PALS2: variants seen among roughly 807,000 people sequenced by gnomAD.
PALS2 encodes protein PALS2.
A neutral mutation model predicts 61.6 loss-of-function variants in PALS2; 27 were observed. The observed-to-expected ratio is 0.44, with a 90% CI of 0.32 to 0.60. PALS2 has a LOEUF of 0.60. Ranked by LOEUF, PALS2 falls within the 20% of genes least tolerant of loss-of-function variation. PALS2 has a pLI of 0.05. For missense variants in PALS2, 554 were observed against 639.4 expected (o/e 0.87, Z 1.44); for synonymous variants, 236 against 218.6 (o/e 1.08, Z -0.70).
In PALS2 at chr7:24,642,019, CAT is replaced by C. The variant is rs1583928936; in HGVS notation, c.270+154_270+155del. The C allele has an allele frequency of 5.2e-6, 4 of 771,476 alleles. No homozygotes were observed. The East Asian group carries it at 7.9e-5, about 15-fold the overall frequency. The allele number at this position is 771,476 out of a possible 1,614,324, so 47.8% of individuals were successfully genotyped here. A position where few individuals can be genotyped will look rare whatever the true frequency, so the allele number is the denominator to read the frequency against. ...TCCAACCTTGGTATTTTAATGTCCT[CAT>C]ATGCTGAGGATATATAAAGAGACAT... is the stretch of plus-strand genomic sequence containing the variant. On this transcript the variant is annotated intron_variant, in intron 3 of 11. Coordinates refer to ENST00000222644, the MANE Select transcript of PALS2 (RefSeq NM_001303037.2).
intron 1 of PALS2, among the ~76,000 whole-genome samples, chr7:24,588,891 A>G (rs1012968672): frequency 6.6e-6 from 1 of 152,190 alleles, no homozygotes; most frequent in Non-Finnish European, 1.5e-5. Flanking sequence ...TTTTAGAAAA[A>G]CAGTTTATTT....
intron 5 of PALS2, among the ~76,000 whole-genome samples, chr7:24,662,286 ATAT>A (rs1488826247): frequency 2.0e-5 from 3 of 152,216 alleles, no homozygotes; most frequent in African/African-American, 7.2e-5. Flanking sequence ...TAATAATATA[ATAT>A]GTCTACTTGT....
intron 2 of PALS2, among the ~76,000 whole-genome samples, chr7:24,628,110 A>G (rs1784830082): frequency 6.6e-6 from 1 of 152,232 alleles, no homozygotes; most frequent in Admixed American, 6.5e-5. Flanking sequence ...TCGATGTGAA[A>G]ATCCTCAATA....
chr7:24,682,535 C>T (rs1787989618), intron 11 of PALS2, among the ~76,000 whole-genome samples: 1 of 152,134 alleles, frequency 6.6e-6, no homozygotes, highest in South Asian at 2.1e-4. Context: ...TCTTTCAAGC[C>T]AGGAAGCTGG....
intron 1 of PALS2, among the ~76,000 whole-genome samples, chr7:24,611,931 G>A (rs1184925927): frequency 6.6e-6 from 1 of 151,888 alleles, no homozygotes; most frequent in African/African-American, 2.4e-5. Context: ...GGCTGTTGGG[G>A]TAGTCTGGGT....
intron 3 of PALS2, among the ~76,000 whole-genome samples, chr7:24,649,367 A>C (rs1786019690): frequency 6.6e-6 from 1 of 152,148 alleles, no homozygotes; most frequent in Admixed American, 6.5e-5. Flanking sequence ...TTTAAAAAGC[A>C]TCACTAATAT....
chr7:24,681,818 T>C (rs966902095), intron 11 of PALS2, among the ~76,000 whole-genome samples: 1 of 152,170 alleles, frequency 6.6e-6, no homozygotes, highest in Non-Finnish European at 1.5e-5. Flanking sequence ...TGTCACCTTT[T>C]CCCCTCACTG....
At position 24,622,683 on chromosome 7, in the gene PALS2, CT is replaced by C. The variant is rs70942815; in HGVS notation, c.-2-969del. Reference sequence around the variant, plus strand: ...ATGCCTTTTCTTTATTTTCTTTTTTCTTTTTTTTTTTTTTGCTTAACAGCCC... The same window carrying C: ...ATGCCTTTTCTTTATTTTCTTTTTTCTTTTTTTTTTTTTGCTTAACAGCCC... On this transcript the variant is annotated intron_variant, in intron 1 of 11. Transcript: ENST00000222644. Among the ~76,000 whole-genome samples the C allele has an allele frequency of 2.1e-3, 287 of 135,594 alleles. 1 individual carries two copies. The highest frequency in any genetic ancestry group is 3.4e-3 in the African/African-American group (125 of 37,216). The allele number at this position is 135,594 out of a possible 152,430, so 89.0% of individuals were successfully genotyped here.
rs1303234022 is a variant in PALS2, at chr7:24,693,804, A to C, written c.*6190A>C. ...AGAATGAGCACTAGTATTCAGCAAC[A>C]AGTGCAATTTCTCCATGTTATGTTG... On this transcript the variant is annotated 3_prime_UTR_variant, in exon 12 of 12. Transcript: ENST00000222644. The C allele has an allele frequency of 6.6e-6, 1 of 152,172 alleles. No individual in the cohort carries two copies. The highest frequency in any genetic ancestry group is 2.4e-5 in the African/African-American group (1 of 41,432). The allele number at this position is 152,172 out of a possible 1,614,324, so 9.4% of individuals were successfully genotyped here.
intron 2 of PALS2, among the ~76,000 whole-genome samples, chr7:24,640,218 G>A (rs1208452043): frequency 2.0e-5 from 3 of 149,386 alleles, no homozygotes; most frequent in East Asian, 3.9e-4. Context: ...CTTCTTTCTC[G>A]GTATTTCATA....
At chr7:24,600,434 G>A (rs1315225854) in intron 1 of PALS2, among the ~76,000 whole-genome samples, 2 of 151,960 alleles carry the variant, frequency 1.3e-5, no homozygotes, top group Non-Finnish European at 2.9e-5. Flanking sequence ...CCTGAATCAA[G>A]GACAAAGAAG....
chr7:24,623,967 C>G (rs949062207), intron 2 of PALS2, 183 bp downstream of exon 2: 3 of 1,064,264 alleles, frequency 2.8e-6, no homozygotes, highest in Admixed American at 4.7e-5. Context: ...CTCTTTTCTA[C>G]TCTGACTTTA....
chr7:24,686,413 T>C (rs1045075044), intron 11 of PALS2, among the ~76,000 whole-genome samples: 2 of 152,180 alleles, frequency 1.3e-5, no homozygotes, highest in Non-Finnish European at 2.9e-5. Flanking sequence ...CCCATTCTGG[T>C]CTTCTTTCAG....
intron 2 of PALS2, among the ~76,000 whole-genome samples, chr7:24,641,481 TA>T (rs1410445103): frequency 6.6e-6 from 1 of 152,166 alleles, no homozygotes; most frequent in Non-Finnish European, 1.5e-5. Context: ...GGTTTAGTTA[TA>T]AAAATGAGTT....
Position 24,693,207 on chromosome 7 carries a change from A to C in PALS2, c.*5593A>C, listed in dbSNP as rs993667961. ...CTGCTTGTAAAGCAACTGTCTTTGA[A>C]TCTTATGAAATAGGTGGTGTTGCTA... On this transcript the variant is annotated 3_prime_UTR_variant, in exon 12 of 12. Coordinates refer to ENST00000222644, the MANE Select transcript of PALS2 (RefSeq NM_001303037.2). 1 of 152,206 alleles carries C rather than the reference A, an allele frequency of 6.6e-6. No homozygotes were observed. Among genetic ancestry groups the C allele is most frequent in the African/African-American group, 2.4e-5 (1 of 41,446 alleles). The allele number at this position is 152,206 out of a possible 1,614,324, so 9.4% of individuals were successfully genotyped here.
intron 1 of PALS2, among the ~76,000 whole-genome samples, chr7:24,592,274 A>G (rs998175429): frequency 6.6e-6 from 1 of 152,136 alleles, no homozygotes; most frequent in African/African-American, 2.4e-5. Context: ...TAAATCTGCT[A>G]GGTTGGGTCA....
At chr7:24,670,038 T>G (rs561522674) in intron 9 of PALS2, among the ~76,000 whole-genome samples, 7 of 152,298 alleles carry the variant, frequency 4.6e-5, no homozygotes, top group African/African-American at 1.4e-4. Flanking sequence ...CTTTTCATTG[T>G]TTTTGCTATT....
At chr7:24,583,245 A>C (rs1464108916) in intron 1 of PALS2, among the ~76,000 whole-genome samples, 1 of 151,928 alleles carries the variant, frequency 6.6e-6, no homozygotes, top group Non-Finnish European at 1.5e-5. Context: ...TTTAGCTAGT[A>C]ATCTTTTGGA....
intron 1 of PALS2, among the ~76,000 whole-genome samples, chr7:24,601,385 C>G (rs1562607294): frequency 6.6e-6 from 1 of 152,076 alleles, no homozygotes; most frequent in Non-Finnish European, 1.5e-5. Flanking sequence ...TGCTTGTTTT[C>G]AAAATCAACT....
Sources: allele counts gnomAD v4.1 joint callset (sites outside exome capture counted in the v4.1 genomes callset), GRCh38; gene constraint gnomAD v4.1.1; transcripts MANE v1.5; gene names NCBI Gene and HGNC (gene_info 2026-07-23, HGNC 2026-07-21).